The following CSMD1 variants were observed in gnomAD, a reference collection of about 807,000 sequenced individuals.
CSMD1 encodes the protein CUB and sushi domain-containing protein 1.
In CSMD1, 213 loss-of-function variants were observed where a neutral mutation model predicts 417.5. The ratio of observed to expected loss-of-function variants is 0.51; its 90% CI spans 0.46 to 0.57. CSMD1 has a LOEUF of 0.57. Among genes scored for constraint, CSMD1 ranks in the 20% least tolerant of loss-of-function variants. The pLI, the probability that CSMD1 is intolerant of heterozygous loss-of-function variation, is 0.00. For synonymous variants in CSMD1, 2,862 were observed against 1,736.8 expected, an observed-to-expected ratio of 1.65 and a Z score of -16.11; for missense variants, 6,923 against 4,529.7, an observed-to-expected ratio of 1.53 and a Z score of -15.17.
At chr8:3,487,383 A>G (rs1818108082) in intron 11 of CSMD1, among the ~76,000 whole-genome samples, 1 of 151,928 alleles carries the variant, frequency 6.6e-6, no homozygotes, top group South Asian at 2.1e-4. Context: ...TTGTATTTTT[A>G]GTAGAGACAG....
chr8:3,684,222 CAT>C (rs1285536459), intron 7 of CSMD1, among the ~76,000 whole-genome samples: 6 of 137,030 alleles, frequency 4.4e-5, no homozygotes, highest in African/African-American at 1.6e-4. Flanking sequence ...TAATATATAA[CAT>C]AATATATAAT....
At chr8:3,571,787 G>T (rs1328126416) in intron 10 of CSMD1, among the ~76,000 whole-genome samples, 2 of 151,914 alleles carry the variant, frequency 1.3e-5, no homozygotes, top group African/African-American at 4.8e-5. Context: ...ACCACTCCAT[G>T]GTGTCTGCTC....
At chr8:4,619,585 T>C (rs1801656624) in intron 2 of CSMD1, among the ~76,000 whole-genome samples, 1 of 152,134 alleles carries the variant, frequency 6.6e-6, no homozygotes, top group Admixed American at 6.6e-5. Context: ...GCTCACCAGA[T>C]ACATCCAGTT....
In CSMD1 at chr8:3,223,793, C is replaced by A; in HGVS notation, c.4420G>T (p.Gly1474Trp). ...TTTACTCTCCAGTCACATTCCTTCC[C>A]AGGAGGATACGGCTGTGGGTAGTTG... ...SPNYPQPYPP[G>W]KECDWRVKVN... The change falls in exon 28 of 70, where the codon GGG becomes TGG. Residue 1474 changes from glycine (G) to tryptophan (W), a missense_variant. Coordinates refer to ENST00000635120, the MANE Select transcript of CSMD1 (RefSeq NM_033225.6). 1.2e-6 allele frequency: 2 copies of A among 1,613,908 alleles called. No individual in the cohort carries two copies. Among genetic ancestry groups the A allele is most frequent in the Non-Finnish European group, 1.7e-6 (2 of 1,179,848 alleles).
intron 8 of CSMD1, among the ~76,000 whole-genome samples, chr8:3,601,635 G>T (rs1019128520): frequency 1.3e-5 from 2 of 152,190 alleles, no homozygotes; most frequent in African/African-American, 4.8e-5. Flanking sequence ...CTGTTCAGCA[G>T]CGTCAACAAA....
At chr8:4,027,793 G>A (rs770802344) in intron 4 of CSMD1, among the ~76,000 whole-genome samples, 1 of 152,142 alleles carries the variant, frequency 6.6e-6, no homozygotes, top group African/African-American at 2.4e-5. Context: ...GGCAGAAATG[G>A]AAGTAAGGCC....
At chr8:3,466,049 A>G (rs1187170426) in intron 12 of CSMD1, among the ~76,000 whole-genome samples, 1 of 152,212 alleles carries the variant, frequency 6.6e-6, no homozygotes, top group African/African-American at 2.4e-5. Context: ...TAATGAAAAC[A>G]TCATGTTTGT....
chr8:4,725,740 G>C (rs1407392806), intron 1 of CSMD1, among the ~76,000 whole-genome samples: 2 of 152,150 alleles, frequency 1.3e-5, no homozygotes, highest in Non-Finnish European at 2.9e-5. Flanking sequence ...ACAATTTGCT[G>C]TGCTTATTTA....
chr8:3,822,470 C>T (rs74928424), intron 5 of CSMD1, among the ~76,000 whole-genome samples: 2,088 of 152,226 alleles, frequency 0.014, 41 homozygotes, highest in African/African-American at 0.034. Context: ...GTATTCCTAA[C>T]TGTAATTTCA....
chr8:4,177,505 A>G (rs953130037), intron 3 of CSMD1, among the ~76,000 whole-genome samples: 2 of 152,204 alleles, frequency 1.3e-5, no homozygotes, highest in Non-Finnish European at 2.9e-5. Context: ...ACACCCGAAC[A>G]TCACAATTAA....
chr8:4,198,369 T>C (rs949176855), intron 3 of CSMD1, among the ~76,000 whole-genome samples: 2 of 152,250 alleles, frequency 1.3e-5, no homozygotes, highest in Non-Finnish European at 2.9e-5. Flanking sequence ...GCCTGAACTT[T>C]GTCCTACACT....
intron 7 of CSMD1, among the ~76,000 whole-genome samples, chr8:3,656,752 C>T (rs556153735): frequency 2.1e-4 from 32 of 152,010 alleles, no homozygotes; most frequent in Non-Finnish European, 4.3e-4. Flanking sequence ...ATGGCGAAAC[C>T]CCATCTCTAC....
chr8:4,164,064 C>T (rs1563208651), intron 3 of CSMD1, among the ~76,000 whole-genome samples: 1 of 152,018 alleles, frequency 6.6e-6, no homozygotes, highest in Non-Finnish European at 1.5e-5. Context: ...TCTTTATAAA[C>T]ATTACATTAA....
At chr8:4,025,240 T>C (rs1797001925) in intron 4 of CSMD1, among the ~76,000 whole-genome samples, 2 of 152,212 alleles carry the variant, frequency 1.3e-5, no homozygotes, top group African/African-American at 2.4e-5. Flanking sequence ...ATTTTCTAAA[T>C]ACAAATATTT....
intron 8 of CSMD1, among the ~76,000 whole-genome samples, chr8:3,594,414 T>C (rs1202245453): frequency 3.3e-5 from 5 of 152,196 alleles, no homozygotes; most frequent in African/African-American, 1.2e-4. Flanking sequence ...AGAATGTATT[T>C]TTTTTTTCCA....
intron 7 of CSMD1, among the ~76,000 whole-genome samples, chr8:3,633,097 G>A (rs1341984788): frequency 2.0e-5 from 3 of 152,162 alleles, no homozygotes; most frequent in Non-Finnish European, 2.9e-5. Context: ...AGTTGCTGAC[G>A]TCATTGTTTT....
chr8:3,788,650 G>T (rs1043895430), intron 5 of CSMD1, among the ~76,000 whole-genome samples: 2 of 152,170 alleles, frequency 1.3e-5, no homozygotes, highest in Admixed American at 1.3e-4. Context: ...CTCTGAGGTA[G>T]ATAAATGTAG....
At chr8:3,698,000 A>C (rs2407122) in intron 7 of CSMD1, among the ~76,000 whole-genome samples, 76,490 of 151,962 alleles carry the variant, frequency 0.5, 19,493 homozygotes, top group Admixed American at 0.59. Flanking sequence ...AACCACCTGT[A>C]ATCCAATCAG....
At chr8:3,976,044 T>C (rs79871089) in intron 5 of CSMD1, among the ~76,000 whole-genome samples, 2,000 of 152,250 alleles carry the variant, frequency 0.013, 42 homozygotes, top group African/African-American at 0.044. Context: ...TATATACTGA[T>C]TGAAATCTGT....
Sources: gnomAD v4.1 joint callset for allele counts (sites outside exome capture counted in the v4.1 genomes callset) on GRCh38, gnomAD v4.1.1 for gene constraint, MANE v1.5 for transcripts, NCBI Gene and HGNC (gene_info 2026-07-23, HGNC 2026-07-21) for gene names.